The following MCPH1 variants were observed in gnomAD, a reference collection of about 807,000 sequenced individuals.
MCPH1 encodes microcephalin.
Under a neutral mutation model 84.5 loss-of-function variants are expected in MCPH1, and 104 were observed. That is an observed-to-expected ratio of 1.23 (90% CI 1.05 to 1.45). MCPH1 has a LOEUF of 1.45. Ranked by LOEUF, MCPH1 falls within the 40% of genes most tolerant of loss-of-function variation. The pLI is 0.00. For missense variants in MCPH1, 1,498 were observed against 1,005.7 expected (o/e 1.49, Z -6.62); for synonymous variants, 514 against 366.8 (o/e 1.40, Z -4.58).
intron 13 of MCPH1, among the ~76,000 whole-genome samples, chr8:6,642,070 A>AT (rs948890034): frequency 1.2e-4 from 18 of 151,946 alleles, no homozygotes; most frequent in African/African-American, 2.7e-4. Context: ...GATTAAACCC[A>AT]TTTTTTTCTT....
chr8:6,467,081 TA>T (rs1384043076), intron 9 of MCPH1, among the ~76,000 whole-genome samples: 1 of 152,214 alleles, frequency 6.6e-6, no homozygotes, highest in Non-Finnish European at 1.5e-5. Flanking sequence ...AATTCAGAAT[TA>T]ATGAGGCGTT....
intron 2 of MCPH1, among the ~76,000 whole-genome samples, chr8:6,414,467 G>A (rs1486029412): frequency 2.6e-5 from 4 of 152,126 alleles, no homozygotes; most frequent in Non-Finnish European, 5.9e-5. Flanking sequence ...CTTTAAAAAT[G>A]TGGTGCCTTC....
At chr8:6,642,664 G>A (rs933266878) in intron 13 of MCPH1, 3 of 419,848 alleles carry the variant, frequency 7.1e-6, no homozygotes, top group Non-Finnish European at 1.3e-5. Context: ...AGAAATTCTT[G>A]GCTCCTATGT....
rs886145560 is a variant in MCPH1, at chr8:6,647,450, T to C, written c.*4401T>C. ...TATATAACCAAAATACATGAAAACA[T>C]GGATCTGCACAAGGTCTTGTATACA... On this transcript the variant is annotated 3_prime_UTR_variant, in exon 14 of 14. Transcript: ENST00000344683. 6.6e-5 allele frequency: 10 copies of C among 152,182 alleles called. No individual in the cohort carries two copies. The highest frequency in any genetic ancestry group is 4.6e-4 in the Admixed American group (7 of 15,278). 9.4% of individuals were successfully genotyped at this position (152,182 alleles called of 1,614,324 possible). A position where few individuals can be genotyped will look rare whatever the true frequency, so the allele number is the denominator to read the frequency against.
In MCPH1 at chr8:6,505,777, T is replaced by TA. The variant is rs1491156563; in HGVS notation, c.2214+5848_2214+5849insA. 7.5e-4 allele frequency among the ~76,000 whole-genome samples: 90 copies of TA among 119,476 alleles called. 1 individual carries two copies. Among genetic ancestry groups the TA allele is most frequent in the African/African-American group, 2.7e-3 (87 of 32,116 alleles). The allele number at this position is 119,476 out of a possible 152,430, so 78.4% of individuals were successfully genotyped here. On this transcript the variant is annotated intron_variant, in intron 12 of 13. Coordinates refer to ENST00000344683, the MANE Select transcript of MCPH1 (RefSeq NM_024596.5). ...ACGTATATATAGAATATATATATTCTTTATATATGTATATATAAAAACATG... is the reference window on the plus strand; with the variant it reads ...ACGTATATATAGAATATATATATTCTATTATATATGTATATATAAAAACATG...
intron 11 of MCPH1, among the ~76,000 whole-genome samples, chr8:6,486,004 C>G (rs1809860662): frequency 6.6e-6 from 1 of 152,114 alleles, no homozygotes; most frequent in East Asian, 1.9e-4. Context: ...AAGATGACTG[C>G]TGCTTCTTGC....
chr8:6,495,218 A>G (rs530439665), intron 11 of MCPH1, among the ~76,000 whole-genome samples: 1 of 152,300 alleles, frequency 6.6e-6, no homozygotes, highest in South Asian at 2.1e-4. Flanking sequence ...TTTCTCCTGA[A>G]GTTCAGTATA....
At chr8:6,407,075 C>T (rs949051941) in intron 1 of MCPH1, 43 of 340,792 alleles carry the variant, frequency 1.3e-4, no homozygotes, top group African/African-American at 8.7e-4. Context: ...CCCGCCTTTC[C>T]CCCTACCTGC....
chr8:6,568,288 G>GGAATGTGGACCCATCGCTAGCTGAATGTT (rs1563140092), intron 12 of MCPH1, among the ~76,000 whole-genome samples: 45 of 152,110 alleles, frequency 3.0e-4, no homozygotes, highest in African/African-American at 1.1e-3. Flanking sequence ...AGCTGAATGT[G>GGAATGTGGACCCATCGCTAGCTGAATGTT]GAATGTGGAC....
intron 12 of MCPH1, among the ~76,000 whole-genome samples, chr8:6,594,534 A>T (rs925591859): frequency 6.6e-6 from 1 of 152,250 alleles, no homozygotes; most frequent in African/African-American, 2.4e-5. Context: ...ACAGTGAAGG[A>T]ATTTAGATCT....
At chr8:6,627,222 A>T in intron 13 of MCPH1, 1 of 985,374 alleles carries the variant, frequency 1.0e-6, no homozygotes, top group South Asian at 4.7e-5. Context: ...GATTCAGTAG[A>T]TATGTGAGGC....
chr8:6,578,773 A>G (rs974383900), intron 12 of MCPH1, among the ~76,000 whole-genome samples: 1 of 152,216 alleles, frequency 6.6e-6, no homozygotes, highest in African/African-American at 2.4e-5. Context: ...AGGCAGATCA[A>G]TGTAAAGGCA....
In MCPH1 at chr8:6,491,646, C is replaced by A. The variant is rs182433697; in HGVS notation, c.2137-8206C>A. 9.6e-3 allele frequency among the ~76,000 whole-genome samples: 1,450 copies of A among 151,628 alleles called. 23 individuals carry two copies. Among genetic ancestry groups the A allele is most frequent in the African/African-American group, 0.033 (1,364 of 41,042 alleles). ...CCCACTCCCCCGACCCCACAACAGGCCCTGGTGTGTGATGTTCCCCTTCCT... is the reference window on the plus strand; with the variant it reads ...CCCACTCCCCCGACCCCACAACAGGACCTGGTGTGTGATGTTCCCCTTCCT... On this transcript the variant is annotated intron_variant, in intron 11 of 13. Coordinates refer to ENST00000344683, the MANE Select transcript of MCPH1 (RefSeq NM_024596.5).
At chr8:6,543,439 C>G (rs1821966354) in intron 12 of MCPH1, among the ~76,000 whole-genome samples, 1 of 152,182 alleles carries the variant, frequency 6.6e-6, no homozygotes, top group South Asian at 2.1e-4. Flanking sequence ...CATTTCCGTG[C>G]TCTGCAGCAA....
At chr8:6,470,884 G>A (rs1426092243) in intron 9 of MCPH1, among the ~76,000 whole-genome samples, 4 of 152,220 alleles carry the variant, frequency 2.6e-5, no homozygotes, top group South Asian at 2.1e-4. Context: ...GCTGTAAGAT[G>A]TACATAAACT....
chr8:6,605,722 G>C (rs866063090), intron 12 of MCPH1, among the ~76,000 whole-genome samples: 1 of 151,864 alleles, frequency 6.6e-6, no homozygotes, highest in Non-Finnish European at 1.5e-5. Flanking sequence ...TTATGACACA[G>C]AGTCTCACTC....
At chr8:6,581,381 C>T (rs937949759) in intron 12 of MCPH1, among the ~76,000 whole-genome samples, 33 of 152,214 alleles carry the variant, frequency 2.2e-4, no homozygotes, top group Admixed American at 2.1e-3. Context: ...ATCCACAAAT[C>T]CAATGTCCCT....
intron 12 of MCPH1, among the ~76,000 whole-genome samples, chr8:6,506,791 T>C (rs1813811445): frequency 6.6e-6 from 1 of 152,094 alleles, no homozygotes; most frequent in Admixed American, 6.5e-5. Flanking sequence ...TTTTTTTTTT[T>C]TTAATGAGGC....
intron 3 of MCPH1, among the ~76,000 whole-genome samples, chr8:6,427,376 A>G (rs376092974): frequency 4.6e-5 from 7 of 152,010 alleles, no homozygotes; most frequent in East Asian, 1.9e-4. Context: ...AACTGATACT[A>G]TAACGTTTTT....
Sources: allele counts gnomAD v4.1 joint callset (sites outside exome capture counted in the v4.1 genomes callset), GRCh38; gene constraint gnomAD v4.1.1; transcripts MANE v1.5; gene names NCBI Gene and HGNC (gene_info 2026-07-23, HGNC 2026-07-21).